The following EPHA4 variants were observed in gnomAD, a reference collection of about 807,000 sequenced individuals.
EPHA4 encodes EPH receptor A4.
Under a neutral mutation model 108.3 loss-of-function variants are expected in EPHA4, and 19 were observed. The ratio of observed to expected loss-of-function variants is 0.18; its 90% CI spans 0.12 to 0.26. The LOEUF is 0.26. Ranked by LOEUF, EPHA4 falls within the 10% of genes least tolerant of loss-of-function variation. EPHA4 has a pLI of 1.00. For synonymous variants in EPHA4, 449 were observed against 455.5 expected (o/e 0.99, Z 0.18); for missense variants, 917 against 1,254.0 (o/e 0.73, Z 4.06).
At chr2:221,466,909 A>G (rs1691329763) in intron 5 of EPHA4, among the ~76,000 whole-genome samples, 1 of 152,064 alleles carries the variant, frequency 6.6e-6, no homozygotes, top group Non-Finnish European at 1.5e-5. Context: ...GAAATAGGAG[A>G]CTTGAAGGTT....
intron 3 of EPHA4, among the ~76,000 whole-genome samples, chr2:221,521,686 C>A (rs1033690783): frequency 2.0e-5 from 3 of 152,042 alleles, no homozygotes; most frequent in African/African-American, 7.2e-5. Context: ...ACAAAACAAA[C>A]AAACAAAGCC....
chr2:221,570,523 C>T (rs1574669808), intron 1 of EPHA4, among the ~76,000 whole-genome samples: 1 of 151,994 alleles, frequency 6.6e-6, no homozygotes, highest in South Asian at 2.1e-4. Context: ...CCAGAAGCCA[C>T]GTCGGAAGGA....
intron 9 of EPHA4, among the ~76,000 whole-genome samples, 191 bp downstream of exon 9, chr2:221,445,932 C>T (rs1354412815): frequency 6.6e-6 from 1 of 152,012 alleles, no homozygotes; most frequent in Non-Finnish European, 1.5e-5. Flanking sequence ...CTACCTCATC[C>T]CACATCTTTA....
chr2:221,442,277 C>T (rs867157887), intron 11 of EPHA4, among the ~76,000 whole-genome samples: 85 of 152,290 alleles, frequency 5.6e-4, no homozygotes, highest in African/African-American at 1.8e-3. Context: ...TTAACTGAAG[C>T]GTGGTTCATA....
rs150879066 is a variant in EPHA4, at chr2:221,489,349, G to A, written c.980-6659C>T. Among the ~76,000 whole-genome samples the A allele has an allele frequency of 2.8e-3, 429 of 152,260 alleles. 3 individuals are homozygous for A. The highest frequency in any genetic ancestry group is 9.6e-3 in the African/African-American group (398 of 41,556). The stretch of plus-strand genomic sequence containing the variant: ...TATAAACCTAAAAGTTCTATTTCTC[G>A]TAACGACTGGAATTAAAGTGCCAAC... On this transcript the variant is annotated intron_variant, in intron 4 of 17. Coordinates refer to ENST00000281821, the MANE Select transcript of EPHA4 (RefSeq NM_004438.5).
chr2:221,482,979 T>A (rs1339957104), intron 4 of EPHA4, among the ~76,000 whole-genome samples: 1 of 152,216 alleles, frequency 6.6e-6, no homozygotes, highest in Non-Finnish European at 1.5e-5. Context: ...GCTTTCCCTA[T>A]GAAGTGGCAG....
At chr2:221,451,861 C>T (rs1275407194) in intron 8 of EPHA4, among the ~76,000 whole-genome samples, 1 of 152,156 alleles carries the variant, frequency 6.6e-6, no homozygotes, top group Non-Finnish European at 1.5e-5. Context: ...TCCCTAAATG[C>T]TTACATGTTC....
chr2:221,538,053 A>G (rs1693723395), intron 3 of EPHA4, among the ~76,000 whole-genome samples: 1 of 112,848 alleles, frequency 8.9e-6, no homozygotes, highest in Non-Finnish European at 1.8e-5. Flanking sequence ...GTGTAAGTAT[A>G]CTGCCCAGCA....
chr2:221,509,997 TACAC>T (rs1266203715), intron 3 of EPHA4, among the ~76,000 whole-genome samples: 1 of 152,140 alleles, frequency 6.6e-6, no homozygotes, highest in African/African-American at 2.4e-5. Flanking sequence ...AATGAGATAA[TACAC>T]AGGAGGATAA....
At chr2:221,470,444 T>C (rs1691445794) in intron 5 of EPHA4, among the ~76,000 whole-genome samples, 1 of 151,892 alleles carries the variant, frequency 6.6e-6, no homozygotes, top group African/African-American at 2.4e-5. Flanking sequence ...GATGGAAGTC[T>C]AGGGAAGTTC....
intron 15 of EPHA4, among the ~76,000 whole-genome samples, chr2:221,429,659 C>A (rs1279411315): frequency 6.6e-6 from 1 of 152,162 alleles, no homozygotes; most frequent in Non-Finnish European, 1.5e-5. Flanking sequence ...ACATTTCACC[C>A]CTCTTCCTAA....
In EPHA4 at chr2:221,436,414, T is replaced by G; in HGVS notation, c.2331A>C (p.Ala777=). The G allele has an allele frequency of 6.2e-7, 1 of 1,614,216 alleles. No individual in the cohort carries two copies. Among genetic ancestry groups the G allele is most frequent in the Non-Finnish European group, 8.5e-7 (1 of 1,180,022 alleles). ...TCTTTCTTACCCTGGTGGTGTAAGC[T>G]GCTTCCGGATCATCCTCAAGCACTC... ...MSRVLEDDPE[A]AYTTRGGKIP... The change falls in exon 13 of 18, where the codon GCA becomes GCC. Residue 777 remains alanine, a synonymous_variant. Coordinates refer to ENST00000281821, the MANE Select transcript of EPHA4 (RefSeq NM_004438.5).
chr2:221,437,054 C>A lies in EPHA4; in HGVS notation c.2136+7G>T. ...ATTCTTGGGTTTAATATAAAGTAGT[C>A]ACATACCCTGAGGAATGCATCCAAG... On this transcript the variant is annotated splice_region_variant and intron_variant, in intron 12 of 17. Transcript: ENST00000281821. The A allele has an allele frequency of 6.2e-7, 1 of 1,601,958 alleles. No individual in the cohort carries two copies. Among genetic ancestry groups the A allele is most frequent in the South Asian group, 1.1e-5 (1 of 90,830 alleles).
chr2:221,459,308 A>ACC (rs1376369470), intron 5 of EPHA4, among the ~76,000 whole-genome samples: 1 of 91,430 alleles, frequency 1.1e-5, no homozygotes, highest in African/African-American at 3.1e-5. Flanking sequence ...ACACACACAC[A>ACC]CCCCTCTATT....
Position 221,431,362 on chromosome 2 carries a change from C to T in EPHA4, c.2497-1211G>A, listed in dbSNP as rs1380702503. Reference sequence around the variant, plus strand: ...TATTGACTGCTCAGAAATTGGCCTTCGAAAGAAAAGAGTCTGTTGGGTCCA... The same window carrying T: ...TATTGACTGCTCAGAAATTGGCCTTTGAAAGAAAAGAGTCTGTTGGGTCCA... On this transcript the variant is annotated intron_variant, in intron 14 of 17. Coordinates refer to ENST00000281821, the MANE Select transcript of EPHA4 (RefSeq NM_004438.5). Among the ~76,000 whole-genome samples the T allele has an allele frequency of 2.6e-5, 4 of 152,278 alleles. No homozygotes were observed. The South Asian group carries it at 6.2e-4, about 24-fold the overall frequency.
chr2:221,478,448 C>G (rs894440734), intron 5 of EPHA4, among the ~76,000 whole-genome samples: 1 of 152,168 alleles, frequency 6.6e-6, no homozygotes, highest in Non-Finnish European at 1.5e-5. Context: ...ACAAAACAGT[C>G]GCTACAGGAT....
At chr2:221,448,054 C>A (rs1050858422) in intron 8 of EPHA4, among the ~76,000 whole-genome samples, 1 of 152,194 alleles carries the variant, frequency 6.6e-6, no homozygotes, top group South Asian at 2.1e-4. Context: ...GTTGGCCAAG[C>A]TGGTCTCAAA....
intron 8 of EPHA4, among the ~76,000 whole-genome samples, chr2:221,455,145 CA>C (rs1180834117): frequency 2.0e-5 from 3 of 152,150 alleles, no homozygotes; most frequent in Non-Finnish European, 4.4e-5. Flanking sequence ...AATAAAGACT[CA>C]AAAAGGTTTA....
chr2:221,426,741 A>G, intron 15 of EPHA4, 122 bp from the exon 16 acceptor site: 1 of 861,382 alleles, frequency 1.2e-6, no homozygotes, highest in South Asian at 1.7e-5. Flanking sequence ...TTTTAAATGG[A>G]ACAATTGTTG....
Sources: allele counts gnomAD v4.1 joint callset (sites outside exome capture counted in the v4.1 genomes callset), GRCh38; gene constraint gnomAD v4.1.1; transcripts MANE v1.5; gene names NCBI Gene and HGNC (gene_info 2026-07-23, HGNC 2026-07-21).